Variants in SNTB2 observed in about 807,000 individuals in gnomAD.
SNTB2 encodes syntrophin beta 2, also known as beta-2-syntrophin.
Under a neutral mutation model 46.2 loss-of-function variants are expected in SNTB2, and 34 were observed. The ratio of observed to expected loss-of-function variants is 0.74; its 90% CI spans 0.56 to 0.98. The LOEUF is 0.98. Ranked by LOEUF, SNTB2 falls within the 50% of genes least tolerant of loss-of-function variation. The probability of loss-of-function intolerance (pLI) is 0.00; values close to 1 mark genes in which losing one functional copy is unlikely to be tolerated. For synonymous variants in SNTB2, 290 were observed against 312.6 expected (o/e 0.93, Z 0.76); for missense variants, 603 against 731.4 (o/e 0.82, Z 2.02).
intron 4 of SNTB2, among the ~76,000 whole-genome samples, chr16:69,280,586 G>C (rs896130131): frequency 6.8e-6 from 1 of 146,262 alleles, no homozygotes; most frequent in African/African-American, 2.6e-5. Flanking sequence ...GCCGGGCGGG[G>C]GGCTGAACCC....
At chr16:69,259,933 T>C (rs1312587811) in intron 2 of SNTB2, 117 bp from the exon 3 acceptor site, 1 of 825,878 alleles carries the variant, frequency 1.2e-6, no homozygotes, top group African/African-American at 1.7e-5. Context: ...TATTTGAGTA[T>C]ACAAATTTAT....
At chr16:69,258,125 T>G (rs1253813798) in intron 2 of SNTB2, among the ~76,000 whole-genome samples, 1 of 152,250 alleles carries the variant, frequency 6.6e-6, no homozygotes, top group Non-Finnish European at 1.5e-5. Flanking sequence ...GCATAGAATC[T>G]GATGATAGTG....
chr16:69,189,499 A>T (rs1211093996), intron 1 of SNTB2, among the ~76,000 whole-genome samples: 1 of 152,226 alleles, frequency 6.6e-6, no homozygotes, highest in Non-Finnish European at 1.5e-5. Context: ...TCATGCCTAT[A>T]ATCCCAGCAC....
At chr16:69,203,403 T>C (rs1179283308) in intron 1 of SNTB2, among the ~76,000 whole-genome samples, 2 of 152,126 alleles carry the variant, frequency 1.3e-5, no homozygotes, top group African/African-American at 4.8e-5. Context: ...GGCATGATTA[T>C]AGCTCACTGT....
At chr16:69,212,788 C>T (rs952888243) in intron 1 of SNTB2, among the ~76,000 whole-genome samples, 1 of 152,220 alleles carries the variant, frequency 6.6e-6, no homozygotes, top group Non-Finnish European at 1.5e-5. Context: ...GCATGCACTA[C>T]CACACCTGGC....
At chr16:69,235,563 C>G (rs1346543246) in intron 1 of SNTB2, 6 of 487,522 alleles carry the variant, frequency 1.2e-5, no homozygotes, top group Non-Finnish European at 1.3e-5. Context: ...CTGCGAGAGT[C>G]CTAGAAATGA....
intron 1 of SNTB2, among the ~76,000 whole-genome samples, chr16:69,198,635 A>G (rs899936118): frequency 3.3e-5 from 5 of 152,230 alleles, no homozygotes; most frequent in Non-Finnish European, 7.3e-5. Context: ...AGACATCTCC[A>G]AACATCTGGA....
chr16:69,221,634 A>T (rs1964405961), intron 1 of SNTB2, among the ~76,000 whole-genome samples: 1 of 152,106 alleles, frequency 6.6e-6, no homozygotes, highest in African/African-American at 2.4e-5. Flanking sequence ...AAATTAGCCA[A>T]GCATGGTGGC....
intron 5 of SNTB2, among the ~76,000 whole-genome samples, chr16:69,286,209 C>G (rs1278352686): frequency 6.6e-6 from 1 of 152,182 alleles, no homozygotes; most frequent in Non-Finnish European, 1.5e-5. Flanking sequence ...TCTTAGCTTC[C>G]TGAGTAACTG....
intron 5 of SNTB2, among the ~76,000 whole-genome samples, chr16:69,292,390 TTATATATATATATATATTATATA>T (rs1965174251): frequency 7.8e-5 from 1 of 12,750 alleles, no homozygotes; most frequent in Non-Finnish European, 1.2e-4. Flanking sequence ...TATATATATA[TTATATATATATATATATTATATA>T]TATATTATAT....
At chr16:69,189,811 T>G (rs1220005143) in intron 1 of SNTB2, among the ~76,000 whole-genome samples, 1 of 152,222 alleles carries the variant, frequency 6.6e-6, no homozygotes, top group East Asian at 1.9e-4. Flanking sequence ...TTCAGACCAG[T>G]AAAATGAAAA....
chr16:69,245,630 T>C lies in SNTB2; in HGVS notation c.609T>C (p.Tyr203=). 6.2e-7 allele frequency: 1 copy of C among 1,614,092 alleles called. No homozygotes were observed. Among genetic ancestry groups the C allele is most frequent in the Non-Finnish European group, 8.5e-7 (1 of 1,179,968 alleles). ...EVKFIREVTP[Y]IKKPSLVSDL... is the part of the protein sequence containing the mutation. The stretch of plus-strand genomic sequence containing the variant: ...AGTTCATCCGAGAAGTAACACCATA[T>C]ATCAAGAAGCCATCATTAGTATCAG... Residue 203 remains tyrosine (Y), a synonymous_variant, in exon 2 of 7, where the codon TAT becomes TAC. Coordinates refer to ENST00000336278, the MANE Select transcript of SNTB2 (RefSeq NM_006750.4).
At chr16:69,224,254 C>T (rs1273547456) in intron 1 of SNTB2, among the ~76,000 whole-genome samples, 5 of 149,142 alleles carry the variant, frequency 3.4e-5, no homozygotes, top group African/African-American at 9.9e-5. Context: ...CCCTGTTGCC[C>T]AGGCTGGAGT....
intron 1 of SNTB2, among the ~76,000 whole-genome samples, chr16:69,231,784 G>A (rs1964508440): frequency 6.6e-6 from 1 of 152,144 alleles, no homozygotes; most frequent in Non-Finnish European, 1.5e-5. Context: ...TTTACTGGTA[G>A]CTGTCTTCCT....
At chr16:69,222,400 C>T (rs12149893) in intron 1 of SNTB2, among the ~76,000 whole-genome samples, 21,259 of 151,978 alleles carry the variant, frequency 0.14, 1,609 homozygotes, top group Middle Eastern at 0.22. Flanking sequence ...CGACATCAGC[C>T]TGGCCAACAT....
intron 4 of SNTB2, among the ~76,000 whole-genome samples, chr16:69,279,565 G>A (rs1195111875): frequency 7.3e-5 from 8 of 109,618 alleles, no homozygotes; most frequent in South Asian, 3.1e-4. Context: ...TCACTCTGTC[G>A]CCCAGGCTGG....
At chr16:69,260,377 A>C (rs969338999) in intron 3 of SNTB2, 117 bp downstream of exon 3, 1 of 910,610 alleles carries the variant, frequency 1.1e-6, no homozygotes, top group African/African-American at 1.7e-5. Flanking sequence ...TCTAGCTTGC[A>C]GATCTTTTGT....
chr16:69,225,125 A>G (rs778638061), intron 1 of SNTB2, among the ~76,000 whole-genome samples: 15 of 152,242 alleles, frequency 9.9e-5, no homozygotes, highest in Non-Finnish European at 1.9e-4. Context: ...AAGGCCTGGC[A>G]GTAACTTACA....
chr16:69,250,383 C>G (rs1964714678), intron 2 of SNTB2, among the ~76,000 whole-genome samples: 1 of 152,166 alleles, frequency 6.6e-6, no homozygotes, highest in African/African-American at 2.4e-5. Context: ...TAATGTTGGT[C>G]AAGCTACTTG....
Sources: gnomAD v4.1 joint callset for allele counts (sites outside exome capture counted in the v4.1 genomes callset) on GRCh38, gnomAD v4.1.1 for gene constraint, MANE v1.5 for transcripts, NCBI Gene and HGNC (gene_info 2026-07-23, HGNC 2026-07-21) for gene names.